RAP1B: variants seen among roughly 807,000 people sequenced by gnomAD.
RAP1B encodes ras-related protein Rap-1b.
A neutral mutation model predicts 27.5 loss-of-function variants in RAP1B; 1 was observed. The observed-to-expected ratio is 0.04, with a 90% CI of 0.01 to 0.17. The LOEUF is 0.17. Ranked by LOEUF, RAP1B falls within the 10% of genes least tolerant of loss-of-function variation. The pLI is 1.00. For synonymous variants in RAP1B, 75 were observed against 73.1 expected (o/e 1.03, Z -0.13); for missense variants, 84 against 214.8 (o/e 0.39, Z 3.81).
intron 6 of RAP1B, chr12:68,656,716 C>T: frequency 1.8e-6 from 1 of 546,774 alleles, no homozygotes; most frequent in Non-Finnish European, 3.2e-6. Context: ...ATTAAGACTT[C>T]AGGTATATGA....
At chr12:68,630,163 C>T (rs950270101) in intron 1 of RAP1B, among the ~76,000 whole-genome samples, 2 of 152,188 alleles carry the variant, frequency 1.3e-5, no homozygotes, top group African/African-American at 4.8e-5. Flanking sequence ...CCATTTGCCA[C>T]CTGTGAGTTA....
At chr12:68,625,591 C>T (rs1039929052) in intron 1 of RAP1B, among the ~76,000 whole-genome samples, 10 of 152,126 alleles carry the variant, frequency 6.6e-5, no homozygotes, top group Admixed American at 2.6e-4. Context: ...ATGCAGATTA[C>T]GAACCCACAA....
At position 68,650,662 on chromosome 12, in the gene RAP1B, T is replaced by A. The variant is rs141073915; in HGVS notation, c.126+194T>A. 91 of 402,114 alleles carry A rather than the reference T, an allele frequency of 2.3e-4. 1 individual carries two copies. In the East Asian group the frequency reaches 4.8e-3, roughly 21 times the overall value. 24.9% of individuals were successfully genotyped at this position (402,114 alleles called of 1,614,324 possible). ...TCATAAACACCCATACTCTCACATA[T>A]TCACAGAATTTTTTGTAATTTGACA... On this transcript the variant is annotated intron_variant, in intron 3 of 7. Coordinates refer to ENST00000250559, the MANE Select transcript of RAP1B (RefSeq NM_001010942.3).
chr12:68,648,807 C>G lies in RAP1B; in HGVS notation c.57+26C>G, dbSNP rs867162333. On this transcript the variant is annotated intron_variant, in intron 2 of 7. Coordinates refer to ENST00000250559, the MANE Select transcript of RAP1B (RefSeq NM_001010942.3). ...GTAAGTCATTCTTACTTTACCTAAG[C>G]CTTTCACTCCAAGACGTTCTTTTTC... The G allele has an allele frequency of 3.8e-6, 6 of 1,584,836 alleles. No homozygotes were observed. In the African/African-American group the frequency reaches 4.1e-5, roughly 11 times the overall value.
intron 1 of RAP1B, chr12:68,642,857 G>T: frequency 1.0e-6 from 1 of 991,052 alleles, no homozygotes; most frequent in Non-Finnish European, 1.6e-6. Flanking sequence ...TGGATTCTCA[G>T]GTAAAGCAGC....
intron 1 of RAP1B, among the ~76,000 whole-genome samples, chr12:68,640,189 T>C (rs574543872): frequency 3.7e-4 from 57 of 152,280 alleles, no homozygotes; most frequent in Admixed American, 8.5e-4. Context: ...TGGTAGTCTT[T>C]TGTTAAAAAC....
Position 68,616,438 on chromosome 12 carries a change from ATTTT to A in RAP1B, c.-27+5418_-27+5421del, listed in dbSNP as rs142174644. The stretch of plus-strand genomic sequence containing the variant: ...TAGCTGGGAATACTGTGCCTGGCTA[ATTTT>A]TTTTTTTTTTTTTTTTTTTTTTGAG... On this transcript the variant is annotated intron_variant, in intron 1 of 7. Coordinates refer to ENST00000250559, the MANE Select transcript of RAP1B (RefSeq NM_001010942.3). 4.2e-4 allele frequency among the ~76,000 whole-genome samples: 38 copies of A among 89,458 alleles called. No individual in the cohort carries two copies. The South Asian group carries it at 6.2e-3, about 14-fold the overall frequency. 58.7% of individuals were successfully genotyped at this position (89,458 alleles called of 152,430 possible).
chr12:68,656,566 CAAA>C (rs368220197), intron 6 of RAP1B, 117 bp downstream of exon 6: 108 of 714,996 alleles, frequency 1.5e-4, no homozygotes, highest in South Asian at 1.3e-3. Context: ...ATGTTACAGG[CAAA>C]AAAAAAAAAC....
chr12:68,631,257 CT>C (rs1036254539), intron 1 of RAP1B, among the ~76,000 whole-genome samples: 9 of 152,158 alleles, frequency 5.9e-5, no homozygotes, highest in Admixed American at 5.2e-4. Context: ...CTTAACTATC[CT>C]TATGTCACTT....
chr12:68,650,241 A>C, intron 2 of RAP1B, 159 bp from the exon 3 acceptor site: 1 of 552,938 alleles, frequency 1.8e-6, no homozygotes, highest in South Asian at 4.3e-5. Flanking sequence ...TCCTGAGGTA[A>C]TTTTCTTACC....
At chr12:68,611,921 A>G (rs1192860883) in intron 1 of RAP1B, among the ~76,000 whole-genome samples, 1 of 152,174 alleles carries the variant, frequency 6.6e-6, no homozygotes, top group African/African-American at 2.4e-5. Context: ...CTTCTGAAAA[A>G]CACTGATGTC....
rs1874521407 is a variant in RAP1B at position 68,660,170 on chromosome 12, T to TA, written c.*921_*922insA. 1 of 116,658 alleles carries TA rather than the reference T, an allele frequency of 8.6e-6. No individual in the cohort carries two copies. The highest frequency in any genetic ancestry group is 1.7e-5 in the Non-Finnish European group (1 of 57,780). 7.2% of individuals were successfully genotyped at this position (116,658 alleles called of 1,614,324 possible). ...AGTATTTTTGCCTGTTAGTGATTGT[T>TA]TCACATGTGTAACGTTTTGGTTGAG... On this transcript the variant is annotated 3_prime_UTR_variant, in exon 8 of 8. Coordinates refer to ENST00000250559, the MANE Select transcript of RAP1B (RefSeq NM_001010942.3).
Position 68,642,450 on chromosome 12 carries a change from A to C in RAP1B, c.-26-6249A>C, listed in dbSNP as rs1034177038. The C allele has an allele frequency of 1.1e-5, 8 of 741,482 alleles. No homozygotes were observed. In the East Asian group the frequency reaches 1.9e-4, roughly 18 times the overall value. The allele number at this position is 741,482 out of a possible 1,614,324, so 45.9% of individuals were successfully genotyped here. On this transcript the variant is annotated intron_variant, in intron 1 of 7. Transcript: ENST00000250559. ...TTATGGTGCTATTGGTCTACTGTAT[A>C]ATTATTATTTTTAATGTCCAGAATG...
intron 1 of RAP1B, among the ~76,000 whole-genome samples, chr12:68,641,451 T>C (rs1392316188): frequency 6.6e-6 from 1 of 152,164 alleles, no homozygotes; most frequent in African/African-American, 2.4e-5. Context: ...GCTTTTTAAA[T>C]TGATAAAAAA....
At chr12:68,638,549 C>A (rs895622358) in intron 1 of RAP1B, among the ~76,000 whole-genome samples, 1 of 151,964 alleles carries the variant, frequency 6.6e-6, no homozygotes, top group African/African-American at 2.4e-5. Flanking sequence ...ATAATGACTC[C>A]AAAATATCTA....
intron 1 of RAP1B, among the ~76,000 whole-genome samples, chr12:68,616,577 G>A (rs71452393): frequency 0.029 from 4,462 of 151,530 alleles, 86 homozygotes; most frequent in South Asian, 0.045. Context: ...AGTACTACAG[G>A]CGCACACCAC....
rs1346612831 is a variant in RAP1B, at chr12:68,660,872, T to C, written c.*1623T>C. On this transcript the variant is annotated 3_prime_UTR_variant, in exon 8 of 8. Coordinates refer to ENST00000250559, the MANE Select transcript of RAP1B (RefSeq NM_001010942.3). ...ACTTTCATGGATGTTACACTATGGA[T>C]TTTTTAAAATACAGGATTGAAGTTA... 1 of 152,192 alleles carries C rather than the reference T, an allele frequency of 6.6e-6. No homozygotes were observed. Among genetic ancestry groups the C allele is most frequent in the Non-Finnish European group, 1.5e-5 (1 of 68,022 alleles). The allele number at this position is 152,192 out of a possible 1,614,324, so 9.4% of individuals were successfully genotyped here. A position where few individuals can be genotyped will look rare whatever the true frequency, so the allele number is the denominator to read the frequency against.
chr12:68,614,458 T>G lies in RAP1B; in HGVS notation c.-27+3415T>G, dbSNP rs192232187. ...AGATTTGACTGGCACTAGGAGTAAT[T>G]TAGCATTTATGAATTAGCTATTTAC... On this transcript the variant is annotated intron_variant, in intron 1 of 7. Coordinates refer to ENST00000250559, the MANE Select transcript of RAP1B (RefSeq NM_001010942.3). 1.4e-3 allele frequency among the ~76,000 whole-genome samples: 218 copies of G among 152,322 alleles called. 1 individual carries two copies. Among genetic ancestry groups the G allele is most frequent in the African/African-American group, 5.1e-3 (212 of 41,572 alleles).
chr12:68,618,253 A>AT (rs942816610), intron 1 of RAP1B, among the ~76,000 whole-genome samples: 16 of 150,788 alleles, frequency 1.1e-4, no homozygotes, highest in East Asian at 3.9e-4. Context: ...CGCCTGGCTA[A>AT]TTTTTTTTGT....
Sources: allele counts gnomAD v4.1 joint callset (sites outside exome capture counted in the v4.1 genomes callset), GRCh38; gene constraint gnomAD v4.1.1; transcripts MANE v1.5; gene names NCBI Gene and HGNC (gene_info 2026-07-23, HGNC 2026-07-21).